The following L3MBTL4 variants were observed in gnomAD, a reference collection of about 807,000 sequenced individuals.
The protein encoded by L3MBTL4 is lethal(3)malignant brain tumor-like protein 4.
A neutral mutation model predicts 84.5 loss-of-function variants in L3MBTL4; 70 were observed. The ratio of observed to expected loss-of-function variants is 0.83; its 90% CI spans 0.68 to 1.01. The LOEUF is 1.01. L3MBTL4 is among the 50% of genes least tolerant of loss of function. The pLI is 0.00. For missense variants in L3MBTL4, 715 were observed against 754.8 expected, an observed-to-expected ratio of 0.95 and a Z score of 0.62; for synonymous variants, 274 against 259.8, an observed-to-expected ratio of 1.05 and a Z score of -0.52.
intron 16 of L3MBTL4, chr18:6,031,626 T>C: frequency 5.2e-6 from 5 of 955,382 alleles, no homozygotes; most frequent in Non-Finnish European, 6.2e-6. Flanking sequence ...GACATGGCCT[T>C]GGCTGGGATG....
intron 12 of L3MBTL4, among the ~76,000 whole-genome samples, chr18:6,173,286 A>G (rs1427745139): frequency 6.6e-6 from 1 of 152,200 alleles, no homozygotes; most frequent in Non-Finnish European, 1.5e-5. Context: ...GCAGCACAGA[A>G]ATGCAATCCC....
intron 12 of L3MBTL4, among the ~76,000 whole-genome samples, chr18:6,187,744 G>A (rs1354947798): frequency 6.6e-6 from 1 of 152,000 alleles, no homozygotes; most frequent in African/African-American, 2.4e-5. Flanking sequence ...AGCAATGGAG[G>A]AGAATGAATG....
chr18:6,384,206 C>T (rs368488726), intron 1 of L3MBTL4, among the ~76,000 whole-genome samples: 114 of 152,260 alleles, frequency 7.5e-4, no homozygotes, highest in African/African-American at 2.6e-3. Flanking sequence ...GCCTTCCCCA[C>T]GACCTCATCA....
chr18:6,180,163 T>A (rs1271162336), intron 12 of L3MBTL4, among the ~76,000 whole-genome samples: 1 of 152,056 alleles, frequency 6.6e-6, no homozygotes, highest in Non-Finnish European at 1.5e-5. Flanking sequence ...TTTTCCACAG[T>A]AAACATTAAC....
Position 6,244,889 on chromosome 18 carries a change from G to T in L3MBTL4, c.220-301C>A, listed in dbSNP as rs952687786. Among the ~76,000 whole-genome samples the T allele has an allele frequency of 2.6e-5, 4 of 152,098 alleles. No individual in the cohort carries two copies. In the South Asian group the frequency reaches 6.2e-4, roughly 24 times the overall value. On this transcript the variant is annotated intron_variant, in intron 5 of 18. Transcript: ENST00000317931. ...GCATAACATCACTGTCTACCCCAGG[G>T]TTATATATGATTATAATTTGTCAAA...
intron 10 of L3MBTL4, among the ~76,000 whole-genome samples, chr18:6,229,644 C>A (rs2046914612): frequency 6.6e-6 from 1 of 152,058 alleles, no homozygotes; most frequent in African/African-American, 2.4e-5. Context: ...GTCTTTGATT[C>A]ATTTTGAGTC....
intron 16 of L3MBTL4, among the ~76,000 whole-genome samples, chr18:5,986,987 T>C (rs577057270): frequency 6.6e-6 from 1 of 152,326 alleles, no homozygotes; most frequent in East Asian, 1.9e-4. Flanking sequence ...AGCAGGTAAC[T>C]CCCAAATGAA....
At chr18:6,364,897 A>G (rs1190100587) in intron 1 of L3MBTL4, among the ~76,000 whole-genome samples, 1 of 152,098 alleles carries the variant, frequency 6.6e-6, no homozygotes, top group Non-Finnish European at 1.5e-5. Flanking sequence ...CAAAAAATGG[A>G]TACTATTAAC....
At chr18:6,405,354 T>A (rs2055683615) in intron 1 of L3MBTL4, among the ~76,000 whole-genome samples, 1 of 152,170 alleles carries the variant, frequency 6.6e-6, no homozygotes, top group Non-Finnish European at 1.5e-5. Context: ...GCGATCCAGC[T>A]GACAAAAACA....
chr18:6,050,465 T>C (rs2145799383), intron 16 of L3MBTL4, among the ~76,000 whole-genome samples: 1 of 152,330 alleles, frequency 6.6e-6, no homozygotes, highest in South Asian at 2.1e-4. Flanking sequence ...CACTGTGTAA[T>C]TTTTACAATT....
intron 16 of L3MBTL4, among the ~76,000 whole-genome samples, chr18:5,995,605 C>A (rs569807787): frequency 1.3e-5 from 2 of 152,156 alleles, no homozygotes; most frequent in Non-Finnish European, 2.9e-5. Context: ...TTCACCCATG[C>A]GACCAAGAAT....
chr18:6,326,449 G>C (rs2051722312), intron 1 of L3MBTL4: 1 of 152,242 alleles, frequency 6.6e-6, no homozygotes, highest in African/African-American at 2.4e-5. Context: ...TTCCCTTCTT[G>C]CTAGAGTCTC....
chr18:6,083,098 T>G (rs2058134692), intron 15 of L3MBTL4, among the ~76,000 whole-genome samples: 1 of 152,158 alleles, frequency 6.6e-6, no homozygotes, highest in African/African-American at 2.4e-5. Flanking sequence ...GGAGCCAAAA[T>G]GAAGTCCAAT....
intron 16 of L3MBTL4, among the ~76,000 whole-genome samples, chr18:6,003,085 A>AC (rs1567971031): frequency 6.1e-5 from 6 of 98,210 alleles, no homozygotes; most frequent in African/African-American, 9.0e-5. Context: ...GATACTATAT[A>AC]AAATATAGTA....
intron 5 of L3MBTL4, among the ~76,000 whole-genome samples, chr18:6,246,078 G>A (rs183283269): frequency 5.9e-5 from 9 of 152,198 alleles, no homozygotes; most frequent in Admixed American, 5.9e-4. Context: ...GTCATATATG[G>A]TTTCTACATA....
chr18:6,328,043 C>A lies in L3MBTL4; in HGVS notation c.-90-15987G>T, dbSNP rs143070083. 1.6e-4 allele frequency among the ~76,000 whole-genome samples: 24 copies of A among 152,328 alleles called. No individual in the cohort carries two copies. In the East Asian group the frequency reaches 4.2e-3, roughly 27 times the overall value. ...AAGTAAGTTCCTACTGTGTGCCAAG[C>A]ACATGGTGGCAGCCTGGCAACAGCC... is the stretch of plus-strand genomic sequence containing the variant. On this transcript the variant is annotated intron_variant, in intron 1 of 18. Transcript: ENST00000317931.
chr18:6,139,521 GCA>G (rs1037378377), intron 13 of L3MBTL4, among the ~76,000 whole-genome samples: 3 of 150,974 alleles, frequency 2.0e-5, no homozygotes, highest in Non-Finnish European at 3.0e-5. Context: ...ATACACATGT[GCA>G]CACACACACA....
intron 12 of L3MBTL4, among the ~76,000 whole-genome samples, chr18:6,209,445 C>CAAA (rs60613997): frequency 1.8e-5 from 2 of 113,996 alleles, no homozygotes; most frequent in African/African-American, 6.1e-5. Context: ...ACTAAACTGG[C>CAAA]AAAAAAAAAA....
chr18:6,316,495 T>C (rs141637975), intron 1 of L3MBTL4, among the ~76,000 whole-genome samples: 15 of 152,286 alleles, frequency 9.8e-5, no homozygotes, highest in African/African-American at 3.6e-4. Context: ...AGGGGACTTC[T>C]TTTCTCTCTT....
Sources: gnomAD v4.1 joint callset for allele counts (sites outside exome capture counted in the v4.1 genomes callset) on GRCh38, gnomAD v4.1.1 for gene constraint, MANE v1.5 for transcripts, NCBI Gene and HGNC (gene_info 2026-07-23, HGNC 2026-07-21) for gene names.